The following RAI14 variants were observed in gnomAD, a reference collection of about 807,000 sequenced individuals.
RAI14 encodes the protein retinoic acid induced 14, also known as ankycorbin.
Under a neutral mutation model 115.4 loss-of-function variants are expected in RAI14, and 45 were observed. The ratio of observed to expected loss-of-function variants is 0.39; its 90% confidence interval spans 0.31 to 0.50. The LOEUF is 0.50. Among genes scored for constraint, RAI14 ranks in the 20% least tolerant of loss-of-function variants. RAI14 has a pLI of 0.85. For missense variants in RAI14, 939 were observed against 1,131.2 expected (o/e 0.83, Z 2.44); for synonymous variants, 371 against 415.4 (o/e 0.89, Z 1.30).
chr5:34,751,139 C>G (rs566990092), intron 2 of RAI14, among the ~76,000 whole-genome samples: 83 of 143,738 alleles, frequency 5.8e-4, no homozygotes, highest in Non-Finnish European at 9.6e-4. Flanking sequence ...GTGTGAGCCA[C>G]CGCGCCCGGC....
chr5:34,814,132 G>C (rs1755909930), intron 11 of RAI14, among the ~76,000 whole-genome samples: 1 of 152,078 alleles, frequency 6.6e-6, no homozygotes, highest in South Asian at 2.1e-4. Flanking sequence ...TTTCATTTCT[G>C]AGCTTTATAG....
chr5:34,738,269 A>G (rs1011006647), intron 2 of RAI14, among the ~76,000 whole-genome samples: 7 of 152,206 alleles, frequency 4.6e-5, no homozygotes, highest in Admixed American at 1.3e-4. Context: ...AAAATTTAAA[A>G]AAACAAAAAC....
chr5:34,681,862 T>C (rs1422764515), intron 1 of RAI14, among the ~76,000 whole-genome samples: 2 of 150,050 alleles, frequency 1.3e-5, no homozygotes, highest in Non-Finnish European at 3.0e-5. Context: ...CTTTCTTTTT[T>C]TTTTTTTTTT....
intron 13 of RAI14, 57 bp from the exon 14 acceptor site, chr5:34,821,675 G>A: frequency 1.9e-6 from 2 of 1,042,720 alleles, no homozygotes; most frequent in East Asian, 4.9e-5. Flanking sequence ...TTTGTCTCAG[G>A]TTAGAGAAAT....
intron 2 of RAI14, among the ~76,000 whole-genome samples, chr5:34,718,194 T>G: frequency 6.6e-6 from 1 of 152,244 alleles, no homozygotes; most frequent in Non-Finnish European, 1.5e-5. Context: ...AGAGAACACG[T>G]GGTAACCACC....
intron 2 of RAI14, among the ~76,000 whole-genome samples, chr5:34,722,961 A>G (rs1742969278): frequency 2.0e-5 from 3 of 148,926 alleles, no homozygotes; most frequent in South Asian, 4.3e-4. Context: ...TTAGCCAGGC[A>G]TGGTGGTATG....
chr5:34,813,700 C>T, intron 11 of RAI14, 40 bp downstream of exon 11: 1 of 1,480,498 alleles, frequency 6.8e-7, no homozygotes, highest in East Asian at 2.3e-5. Flanking sequence ...AAACGCACCA[C>T]AAGAAAGCCA....
At chr5:34,658,966 C>G (rs1579836977) in intron 1 of RAI14, 1 of 151,992 alleles carries the variant, frequency 6.6e-6, no homozygotes, top group Non-Finnish European at 1.5e-5. Context: ...AATATTTGAT[C>G]TATTCCTACT....
chr5:34,770,621 T>C (rs778255028), intron 3 of RAI14, among the ~76,000 whole-genome samples: 1 of 152,190 alleles, frequency 6.6e-6, no homozygotes, highest in Non-Finnish European at 1.5e-5. Flanking sequence ...TGCGTACTTT[T>C]CTGCAGGAAT....
intron 1 of RAI14, among the ~76,000 whole-genome samples, chr5:34,672,392 G>C (rs1050350246): frequency 3.0e-4 from 45 of 152,264 alleles, no homozygotes; most frequent in African/African-American, 5.8e-4. Flanking sequence ...TGGGGTGTGG[G>C]GGGGGAGCAT....
chr5:34,799,838 C>A (rs2150222656), intron 4 of RAI14, among the ~76,000 whole-genome samples: 1 of 152,160 alleles, frequency 6.6e-6, no homozygotes, highest in South Asian at 2.1e-4. Context: ...CAGGCGCCCG[C>A]CACCACGCCT....
chr5:34,677,020 A>G (rs1383480152), intron 1 of RAI14, among the ~76,000 whole-genome samples: 1 of 152,236 alleles, frequency 6.6e-6, no homozygotes, highest in Non-Finnish European at 1.5e-5. Context: ...TTATTCATTC[A>G]TAACGTATCT....
chr5:34,723,116 A>AC (rs1742999542), intron 2 of RAI14, among the ~76,000 whole-genome samples: 1 of 151,244 alleles, frequency 6.6e-6, no homozygotes, highest in African/African-American at 2.4e-5. Context: ...AAAAAAAAAA[A>AC]AACCCACTTC....
At chr5:34,688,009 T>G in intron 2 of RAI14, 1 of 1,328,280 alleles carries the variant, frequency 7.5e-7, no homozygotes, top group Non-Finnish European at 1.0e-6. Context: ...ACCGACCCAC[T>G]TAAAGAAAGA....
intron 2 of RAI14, among the ~76,000 whole-genome samples, chr5:34,689,620 C>A (rs1354402767): frequency 6.6e-6 from 1 of 152,020 alleles, no homozygotes; most frequent in East Asian, 1.9e-4. Flanking sequence ...CACCTGTAAT[C>A]CCAGCTACTT....
rs1306342858 is a variant in RAI14, at chr5:34,827,732, G to C, written c.2799+1253G>C. On this transcript the variant is annotated intron_variant, in intron 16 of 17. Transcript: ENST00000265109. This position sits in a 1 kb window ranked among gnomAD's most constrained non-coding sequence, Gnocchi z 4.2. ...ACAGACTTGTAGATAAAGTGCTATT[G>C]GTTTATACAGTAATTCTTATAATTA... Among the ~76,000 whole-genome samples the C allele has an allele frequency of 1.3e-5, 2 of 152,118 alleles. No homozygotes were observed. Among genetic ancestry groups the C allele is most frequent in the African/African-American group, 4.8e-5 (2 of 41,394 alleles).
At chr5:34,675,449 T>C (rs78079156) in intron 1 of RAI14, among the ~76,000 whole-genome samples, 16,631 of 152,216 alleles carry the variant, frequency 0.11, 2,471 homozygotes, top group African/African-American at 0.34. Context: ...CTTTTCTGGA[T>C]GTGTCTTAGA....
intron 2 of RAI14, chr5:34,688,163 G>C: frequency 6.5e-7 from 1 of 1,541,990 alleles, no homozygotes; most frequent in South Asian, 1.2e-5. Context: ...TCCGACTTCC[G>C]AGAAACCTCC....
chr5:34,820,251 A>G (rs1165617689), intron 13 of RAI14, among the ~76,000 whole-genome samples: 1 of 152,236 alleles, frequency 6.6e-6, no homozygotes, highest in Non-Finnish European at 1.5e-5. Flanking sequence ...AGTGCTTTTC[A>G]AAGTGTGGGT....
Sources: allele counts gnomAD v4.1 joint callset (sites outside exome capture counted in the v4.1 genomes callset), GRCh38; gene constraint gnomAD v4.1.1; non-coding constraint Gnocchi (gnomAD v3.1); transcripts MANE v1.5; gene names NCBI Gene and HGNC (gene_info 2026-07-23, HGNC 2026-07-21).